DOCK10: variants seen among roughly 807,000 people sequenced by gnomAD.
DOCK10 encodes dedicator of cytokinesis 10, also known as dedicator of cytokinesis protein 10.
A neutral mutation model predicts 280.1 loss-of-function variants in DOCK10; 145 were observed. The observed-to-expected ratio is 0.52, with a 90% CI of 0.45 to 0.59. DOCK10 has a LOEUF of 0.59. DOCK10 is among the 20% of genes least tolerant of loss of function. The pLI, the probability that DOCK10 is intolerant of heterozygous loss-of-function variation, is 0.00. For missense variants in DOCK10, 2,368 were observed against 2,651.7 expected, an observed-to-expected ratio of 0.89 and a Z score of 2.35; for synonymous variants, 915 against 942.2, an observed-to-expected ratio of 0.97 and a Z score of 0.53.
chr2:224,848,197 A>G (rs190221831), intron 19 of DOCK10, among the ~76,000 whole-genome samples: 36 of 152,262 alleles, frequency 2.4e-4, no homozygotes, highest in African/African-American at 7.5e-4. Context: ...GTCATTTCAG[A>G]CTTCGTACCA....
At chr2:224,912,731 A>G (rs1228688434) in intron 3 of DOCK10, among the ~76,000 whole-genome samples, 4 of 152,116 alleles carry the variant, frequency 2.6e-5, no homozygotes, top group African/African-American at 9.6e-5. Context: ...CTAACAATAT[A>G]TTATGGGCAT....
chr2:224,850,327 G>A (rs778554348), intron 18 of DOCK10, among the ~76,000 whole-genome samples: 2 of 152,044 alleles, frequency 1.3e-5, no homozygotes, highest in Non-Finnish European at 2.9e-5. Context: ...CCTATTCACC[G>A]GCTGGGGCTG....
chr2:224,998,574 G>T (rs187167988), intron 1 of DOCK10, among the ~76,000 whole-genome samples: 1 of 151,972 alleles, frequency 6.6e-6, no homozygotes, highest in African/African-American at 2.4e-5. Flanking sequence ...CAGCATAAAA[G>T]CTTCTGCTAT....
chr2:224,997,217 CCCTTCCTTCCTT>C (rs112083031), intron 1 of DOCK10, among the ~76,000 whole-genome samples: 19 of 146,536 alleles, frequency 1.3e-4, no homozygotes, highest in African/African-American at 4.6e-4. Flanking sequence ...TTCCCTCCCT[CCCTTCCTTCCTT>C]CCTTCCTTCC....
chr2:224,878,481 G>C (rs1698774393), intron 7 of DOCK10, among the ~76,000 whole-genome samples: 1 of 152,196 alleles, frequency 6.6e-6, no homozygotes, highest in Non-Finnish European at 1.5e-5. Flanking sequence ...GCATTGCACA[G>C]AGCCAGGGAC....
chr2:224,919,621 G>A (rs1295979318), intron 2 of DOCK10, among the ~76,000 whole-genome samples: 1 of 151,166 alleles, frequency 6.6e-6, no homozygotes, highest in Non-Finnish European at 1.5e-5. Context: ...GTGTATGTGT[G>A]GTGTGAATGT....
intron 1 of DOCK10, among the ~76,000 whole-genome samples, chr2:224,967,175 G>C (rs1476390699): frequency 6.6e-6 from 1 of 151,898 alleles, no homozygotes; most frequent in Non-Finnish European, 1.5e-5. Flanking sequence ...CACCTCCCGG[G>C]TTCACGCCAT....
chr2:224,975,937 G>C (rs1370803172), intron 1 of DOCK10, among the ~76,000 whole-genome samples: 1 of 151,986 alleles, frequency 6.6e-6, no homozygotes, highest in Admixed American at 6.5e-5. Flanking sequence ...ACCTTTTTTT[G>C]GGTGTGGAAC....
At chr2:224,888,287 G>A (rs1023619275) in intron 4 of DOCK10, among the ~76,000 whole-genome samples, 1 of 150,678 alleles carries the variant, frequency 6.6e-6, no homozygotes, top group African/African-American at 2.4e-5. Flanking sequence ...TCTGTCAATG[G>A]ACACTTAGGA....
chr2:224,921,108 A>T (rs796520004), intron 2 of DOCK10, among the ~76,000 whole-genome samples: 23,263 of 70,652 alleles, frequency 0.33, 4,372 homozygotes, highest in Non-Finnish European at 0.35. Context: ...AAAAAAAAAA[A>T]AAAAATATAT....
chr2:224,834,013 T>C (rs1443470037), intron 26 of DOCK10, 137 bp downstream of exon 26: 6 of 611,256 alleles, frequency 9.8e-6, no homozygotes, highest in Admixed American at 9.0e-5. Flanking sequence ...CTTTATATGC[T>C]AAGTTTCAAT....
chr2:224,934,555 C>T (rs1448425790), intron 1 of DOCK10, among the ~76,000 whole-genome samples: 1 of 152,202 alleles, frequency 6.6e-6, no homozygotes, highest in Non-Finnish European at 1.5e-5. Flanking sequence ...TGGCGAGAAT[C>T]CGGACTACAT....
intron 1 of DOCK10, among the ~76,000 whole-genome samples, chr2:224,931,942 T>C (rs553895615): frequency 1.3e-5 from 2 of 152,338 alleles, no homozygotes; most frequent in East Asian, 3.9e-4. Flanking sequence ...CCCAGCCCTA[T>C]CACATCCACA....
intron 1 of DOCK10, among the ~76,000 whole-genome samples, chr2:224,988,509 T>A (rs1341094721): frequency 1.3e-5 from 2 of 152,336 alleles, no homozygotes; most frequent in East Asian, 3.9e-4. Context: ...TGATCATCCC[T>A]GTTTTACTGT....
chr2:224,969,811 C>T (rs143392705), intron 1 of DOCK10, among the ~76,000 whole-genome samples: 117 of 152,282 alleles, frequency 7.7e-4, no homozygotes, highest in African/African-American at 2.6e-3. Flanking sequence ...TGAAGTGTCA[C>T]CTTTAGAGTG....
intron 31 of DOCK10, among the ~76,000 whole-genome samples, chr2:224,812,844 A>G (rs1429146444): frequency 6.6e-6 from 1 of 152,220 alleles, no homozygotes; most frequent in South Asian, 2.1e-4. Flanking sequence ...AGCCCACTTG[A>G]TCATGGTGGA....
intron 1 of DOCK10, among the ~76,000 whole-genome samples, chr2:224,940,100 G>A (rs12471843): frequency 6.6e-6 from 1 of 151,968 alleles, no homozygotes; most frequent in Non-Finnish European, 1.5e-5. Flanking sequence ...CCCATTCAAC[G>A]CTTTCCTGCC....
intron 1 of DOCK10, among the ~76,000 whole-genome samples, chr2:224,940,855 G>A (rs1358614993): frequency 1.3e-5 from 2 of 152,188 alleles, no homozygotes; most frequent in South Asian, 4.1e-4. Flanking sequence ...ACACACCTAA[G>A]CTAGCAATGA....
At chr2:224,867,075 TACACACAC>T (rs61496329) in intron 11 of DOCK10, among the ~76,000 whole-genome samples, 9 of 144,236 alleles carry the variant, frequency 6.2e-5, no homozygotes, top group Admixed American at 1.4e-4. Flanking sequence ...AGCTAAGAAA[TACACACAC>T]ACACACACAC....
Sources: allele counts gnomAD v4.1 joint callset (sites outside exome capture counted in the v4.1 genomes callset), GRCh38; gene constraint gnomAD v4.1.1; transcripts MANE v1.5; gene names NCBI Gene and HGNC (gene_info 2026-07-23, HGNC 2026-07-21).